The following GABBR2 variants were observed in gnomAD, a reference collection of about 807,000 sequenced individuals.
GABBR2 encodes the protein G-protein coupled receptor 51.
In GABBR2, 23 loss-of-function variants were observed where a neutral mutation model predicts 105.6. That is an observed-to-expected ratio of 0.22 (90% CI 0.16 to 0.31). The LOEUF (loss-of-function observed/expected upper bound fraction) is 0.31, where lower values mean the gene tolerates loss of function less well. Ranked by LOEUF, GABBR2 falls within the 10% of genes least tolerant of loss-of-function variation. GABBR2 has a pLI of 1.00. For missense variants in GABBR2, 734 were observed against 1,245.5 expected, an observed-to-expected ratio of 0.59 and a Z score of 6.18; for synonymous variants, 478 against 499.7, an observed-to-expected ratio of 0.96 and a Z score of 0.58.
intron 6 of GABBR2, among the ~76,000 whole-genome samples, chr9:98,467,952 GA>G (rs1255346516): frequency 2.0e-5 from 3 of 152,236 alleles, no homozygotes; most frequent in Admixed American, 6.5e-5. Context: ...AACAGGACTT[GA>G]AAAATGGAAG....
At chr9:98,625,434 A>G (rs1041860940) in intron 1 of GABBR2, among the ~76,000 whole-genome samples, 1 of 152,204 alleles carries the variant, frequency 6.6e-6, no homozygotes, top group Non-Finnish European at 1.5e-5. Flanking sequence ...CTGCCCTGAG[A>G]GCTGTGTCAG....
chr9:98,603,926 G>A (rs1460925455), intron 1 of GABBR2, among the ~76,000 whole-genome samples: 3 of 152,256 alleles, frequency 2.0e-5, no homozygotes, highest in Admixed American at 6.5e-5. Context: ...CAAAAATAAC[G>A]TCCCGTTCCA....
intron 3 of GABBR2, among the ~76,000 whole-genome samples, chr9:98,531,985 G>A (rs900634577): frequency 6.6e-6 from 1 of 152,236 alleles, no homozygotes; most frequent in South Asian, 2.1e-4. Flanking sequence ...TGCACCACCC[G>A]TGTAAGCATT....
At chr9:98,634,241 G>T (rs578220863) in intron 1 of GABBR2, among the ~76,000 whole-genome samples, 1 of 152,314 alleles carries the variant, frequency 6.6e-6, no homozygotes, top group South Asian at 2.1e-4. Context: ...TAGCCAAAAA[G>T]AATGTGGAAC....
intron 1 of GABBR2, chr9:98,607,558 G>A (rs1829446149): frequency 1.5e-6 from 1 of 652,822 alleles, no homozygotes. Context: ...CCATTTACCT[G>A]TTGGTGTGGT....
At chr9:98,652,564 C>A (rs1830123398) in intron 1 of GABBR2, among the ~76,000 whole-genome samples, 1 of 152,212 alleles carries the variant, frequency 6.6e-6, no homozygotes, top group Non-Finnish European at 1.5e-5. Flanking sequence ...CCTCCTCATG[C>A]TCTAGAAAAA....
At chr9:98,292,593 G>T (rs1435157317) in intron 18 of GABBR2, among the ~76,000 whole-genome samples, 1 of 152,234 alleles carries the variant, frequency 6.6e-6, no homozygotes, top group Non-Finnish European at 1.5e-5. Flanking sequence ...TGAAGTTAAA[G>T]TTGGACCTGT....
chr9:98,395,576 A>C (rs1274011347), intron 8 of GABBR2, among the ~76,000 whole-genome samples: 1 of 152,068 alleles, frequency 6.6e-6, no homozygotes, highest in Non-Finnish European at 1.5e-5. Flanking sequence ...GAGACTGGGA[A>C]GGGGTGACCA....
At chr9:98,675,051 TCTTCCCCA>T (rs1341309534) in intron 1 of GABBR2, among the ~76,000 whole-genome samples, 1 of 152,154 alleles carries the variant, frequency 6.6e-6, no homozygotes, top group Non-Finnish European at 1.5e-5. Context: ...GAAGCATGTG[TCTTCCCCA>T]GGCCTCTTAG....
In GABBR2 at chr9:98,547,259, A is replaced by C. The variant is rs187668255; in HGVS notation, c.460-5216T>G. 2.3e-4 allele frequency among the ~76,000 whole-genome samples: 27 copies of C among 117,074 alleles called. 8 individuals are homozygous for C. Among genetic ancestry groups the C allele is most frequent in the East Asian group, 2.1e-3 (6 of 2,816 alleles). The allele number at this position is 117,074 out of a possible 152,430, so 76.8% of individuals were successfully genotyped here. On this transcript the variant is annotated intron_variant, in intron 2 of 18. Coordinates refer to ENST00000259455, the MANE Select transcript of GABBR2 (RefSeq NM_005458.8). Reference sequence around the variant, plus strand: ...AGTATTTCCAACTCAGTAAAAAAAAACCTAATATATATATATAAAATGACT... The same window carrying C: ...AGTATTTCCAACTCAGTAAAAAAAACCCTAATATATATATATAAAATGACT...
chr9:98,414,771 C>T (rs924056756), intron 7 of GABBR2, among the ~76,000 whole-genome samples: 2 of 152,126 alleles, frequency 1.3e-5, no homozygotes, highest in Non-Finnish European at 2.9e-5. Flanking sequence ...GGACATGGTA[C>T]TCCAGGCCTG....
chr9:98,677,295 C>G (rs1438603107), intron 1 of GABBR2, among the ~76,000 whole-genome samples: 1 of 152,174 alleles, frequency 6.6e-6, no homozygotes, highest in African/African-American at 2.4e-5. Flanking sequence ...TGGCCAGCCC[C>G]CAGACAGCTG....
chr9:98,421,726 C>G (rs1487834711), intron 7 of GABBR2, among the ~76,000 whole-genome samples: 1 of 152,100 alleles, frequency 6.6e-6, no homozygotes, highest in African/African-American at 2.4e-5. Flanking sequence ...AAAAACATGG[C>G]ACCATAAATC....
At chr9:98,524,878 C>A (rs1027712510) in intron 3 of GABBR2, among the ~76,000 whole-genome samples, 2 of 151,914 alleles carry the variant, frequency 1.3e-5, no homozygotes, top group Non-Finnish European at 2.9e-5. Flanking sequence ...AATGGTCAGT[C>A]GATTTCAACA....
At chr9:98,534,543 C>T (rs1294896363) in intron 3 of GABBR2, among the ~76,000 whole-genome samples, 1 of 152,170 alleles carries the variant, frequency 6.6e-6, no homozygotes. Context: ...CACATTGAAT[C>T]CTCCCAACAA....
At chr9:98,704,153 T>C (rs1004123765) in intron 1 of GABBR2, among the ~76,000 whole-genome samples, 4 of 152,192 alleles carry the variant, frequency 2.6e-5, no homozygotes, top group African/African-American at 4.8e-5. Flanking sequence ...AGGTGCTCAG[T>C]AAACACCTGC....
At chr9:98,308,450 A>G (rs1588092319) in intron 14 of GABBR2, among the ~76,000 whole-genome samples, 1 of 152,322 alleles carries the variant, frequency 6.6e-6, no homozygotes, top group East Asian at 1.9e-4. Context: ...ACTCTAAAAG[A>G]TATGTCCATA....
At position 98,312,613 on chromosome 9, in the gene GABBR2, C is replaced by A. The variant is rs183919554; in HGVS notation, c.1894-1408G>T. Among the ~76,000 whole-genome samples, 3 of 152,360 alleles carry A rather than the reference C, an allele frequency of 2.0e-5. No individual in the cohort carries two copies. In the East Asian group the frequency reaches 5.8e-4, roughly 29 times the overall value. The stretch of plus-strand genomic sequence containing the variant: ...AATGTTCACGCAGTGGTTTCAGCAA[C>A]CATTGATAATTCTTACCTGAGTCAT... On this transcript the variant is annotated intron_variant, in intron 13 of 18. Transcript: ENST00000259455.
chr9:98,448,135 T>C (rs1004746771), intron 7 of GABBR2, among the ~76,000 whole-genome samples: 28 of 151,974 alleles, frequency 1.8e-4, no homozygotes, highest in Non-Finnish European at 3.7e-4. Context: ...GGGCAGAGGA[T>C]GAAGGATGGC....
Sources: allele counts gnomAD v4.1 joint callset (sites outside exome capture counted in the v4.1 genomes callset), GRCh38; gene constraint gnomAD v4.1.1; transcripts MANE v1.5; gene names NCBI Gene and HGNC (gene_info 2026-07-23, HGNC 2026-07-21).